The following MAST4 variants were observed in gnomAD, a reference collection of about 807,000 sequenced individuals.
MAST4 encodes microtubule associated serine/threonine kinase family member 4, also known as microtubule-associated serine/threonine-protein kinase 4.
In MAST4, 89 loss-of-function variants were observed where a neutral mutation model predicts 162.7. That is an observed-to-expected ratio of 0.55 (90% confidence interval 0.46 to 0.65). MAST4 has a LOEUF of 0.65. Ranked by LOEUF, MAST4 falls within the 30% of genes least tolerant of loss-of-function variation. The pLI is 0.00. For synonymous variants in MAST4, 1,479 were observed against 1,361.1 expected, an observed-to-expected ratio of 1.09 and a Z score of -1.91; for missense variants, 3,153 against 3,374.0, an observed-to-expected ratio of 0.93 and a Z score of 1.62.
At chr5:66,718,315 AT>A (rs1287790385) in intron 1 of MAST4, among the ~76,000 whole-genome samples, 1 of 151,022 alleles carries the variant, frequency 6.6e-6, no homozygotes, top group East Asian at 1.9e-4. Context: ...GGTATAAATG[AT>A]TAAGTTATGA....
At chr5:66,956,689 T>C (rs1176710702) in intron 4 of MAST4, among the ~76,000 whole-genome samples, 1 of 152,220 alleles carries the variant, frequency 6.6e-6, no homozygotes, top group Admixed American at 6.5e-5. Flanking sequence ...TGTAATACAT[T>C]ACCATTGTTG....
At chr5:66,728,275 G>A (rs1751641608) in intron 1 of MAST4, among the ~76,000 whole-genome samples, 1 of 152,116 alleles carries the variant, frequency 6.6e-6, no homozygotes, top group Admixed American at 6.6e-5. Context: ...TTCTGTTGGT[G>A]TGTGCTGAAA....
At position 66,919,962 on chromosome 5, in the gene MAST4, TTCCTTCCTTCC is replaced by T. The variant is rs57250330; in HGVS notation, c.674+19982_674+19992del. Among the ~76,000 whole-genome samples the T allele has an allele frequency of 7.1e-3, 420 of 58,780 alleles. 11 individuals are homozygous for T. Among genetic ancestry groups the T allele is most frequent in the African/African-American group, 0.023 (338 of 14,764 alleles). 38.6% of individuals were successfully genotyped at this position (58,780 alleles called of 152,430 possible). ...CTTCCTTCCTTCCTTCCTTCCTTCC[TTCCTTCCTTCC>T]TTCTTTCTCTCTCTCTCTCTCTCTC... On this transcript the variant is annotated intron_variant, in intron 4 of 28. Transcript: ENST00000403625.
intron 19 of MAST4, among the ~76,000 whole-genome samples, chr5:67,139,475 C>T (rs1770100300): frequency 6.6e-6 from 1 of 152,302 alleles, no homozygotes; most frequent in East Asian, 1.9e-4. Flanking sequence ...GCCTGACTCC[C>T]TGGACTTCAG....
chr5:66,806,305 A>G (rs575143394), intron 3 of MAST4, among the ~76,000 whole-genome samples: 2 of 152,360 alleles, frequency 1.3e-5, no homozygotes, highest in East Asian at 3.9e-4. Context: ...CTTGTCTGGC[A>G]TTTTAAACAA....
At chr5:67,056,317 A>G (rs1448317538) in intron 5 of MAST4, among the ~76,000 whole-genome samples, 1 of 152,192 alleles carries the variant, frequency 6.6e-6, no homozygotes, top group Non-Finnish European at 1.5e-5. Context: ...ACAGAGGGTC[A>G]AACAGTGCCA....
chr5:67,134,536 C>G lies in MAST4; in HGVS notation c.2240C>G (p.Pro747Arg), dbSNP rs778652820. The change falls in exon 18 of 29, where the codon CCT becomes CGT. Residue 747 changes from proline to arginine, a missense_variant. Pro to Arg is a moderately radical substitution (Grantham distance 103, BLOSUM62 -2). Transcript: ENST00000403625. Reference protein sequence around the residue: ...EFLDKQVCGTPEYIAPEVILR... With the variant: ...EFLDKQVCGTREYIAPEVILR... ...ATTATCTTTTAGGTCTGTGGCACAC[C>G]TGAATACATTGCACCAGAAGTGATT... The G allele has an allele frequency of 1.2e-6, 2 of 1,612,976 alleles. No homozygotes were observed. Among genetic ancestry groups the G allele is most frequent in the African/African-American group, 2.7e-5 (2 of 74,834 alleles).
chr5:66,633,761 TATC>T (rs1744931353), intron 1 of MAST4, among the ~76,000 whole-genome samples: 1 of 152,246 alleles, frequency 6.6e-6, no homozygotes, highest in South Asian at 2.1e-4. Context: ...AATATATGCC[TATC>T]ATCTTCATTT....
At chr5:66,788,815 G>T (rs373196226) in intron 3 of MAST4, 21 bp downstream of exon 3, 18 of 1,533,766 alleles carry the variant, frequency 1.2e-5, no homozygotes, top group Non-Finnish European at 1.4e-5. Context: ...GCGGGCGCCG[G>T]TGGAGGCTGC....
chr5:66,652,981 C>T (rs1746324238), intron 1 of MAST4, among the ~76,000 whole-genome samples: 1 of 152,116 alleles, frequency 6.6e-6, no homozygotes, highest in African/African-American at 2.4e-5. Flanking sequence ...CCACGCGGTT[C>T]TGTCTGTAGG....
chr5:66,886,566 T>C (rs1365098301), intron 3 of MAST4, among the ~76,000 whole-genome samples: 1 of 151,686 alleles, frequency 6.6e-6, no homozygotes, highest in East Asian at 1.9e-4. Context: ...ACTTTTATTC[T>C]GAAGAAAGTG....
chr5:67,059,929 C>T (rs187828084), intron 5 of MAST4, among the ~76,000 whole-genome samples: 9 of 152,144 alleles, frequency 5.9e-5, no homozygotes, highest in Middle Eastern at 3.4e-3. Context: ...CAAAACATCC[C>T]GAATCCCACT....
chr5:66,992,816 G>A (rs541301492), intron 4 of MAST4, among the ~76,000 whole-genome samples: 5 of 152,294 alleles, frequency 3.3e-5, no homozygotes, highest in African/African-American at 1.2e-4. Context: ...CACTGGGTAA[G>A]CTGACATTTG....
At chr5:66,745,536 C>T (rs1157607309) in intron 1 of MAST4, among the ~76,000 whole-genome samples, 3 of 152,192 alleles carry the variant, frequency 2.0e-5, no homozygotes, top group Non-Finnish European at 4.4e-5. Flanking sequence ...GCTCTGTGCT[C>T]CATCCTGGAC....
chr5:66,964,503 A>T (rs1746423036), intron 4 of MAST4, among the ~76,000 whole-genome samples: 1 of 151,552 alleles, frequency 6.6e-6, no homozygotes, highest in Non-Finnish European at 1.5e-5. Flanking sequence ...CCCTTTTTAA[A>T]AATCCTAATC....
chr5:67,041,810 A>T (rs893616673), intron 4 of MAST4, among the ~76,000 whole-genome samples: 3 of 152,140 alleles, frequency 2.0e-5, no homozygotes, highest in Admixed American at 2.0e-4. Context: ...TGTATTTTTA[A>T]TATAGACAAG....
At chr5:66,922,767 G>A (rs1764625281) in intron 4 of MAST4, among the ~76,000 whole-genome samples, 1 of 152,044 alleles carries the variant, frequency 6.6e-6, no homozygotes, top group African/African-American at 2.4e-5. Context: ...GAATTCAGTA[G>A]TGAAAAAAAA....
intron 1 of MAST4, among the ~76,000 whole-genome samples, chr5:66,704,595 G>A (rs1469085501): frequency 6.7e-6 from 1 of 148,218 alleles, no homozygotes; most frequent in Non-Finnish European, 1.5e-5. Context: ...CTGCCTCCCG[G>A]GTTCACGCCA....
At chr5:66,669,426 A>G (rs1296567929) in intron 1 of MAST4, among the ~76,000 whole-genome samples, 1 of 152,194 alleles carries the variant, frequency 6.6e-6, no homozygotes, top group Non-Finnish European at 1.5e-5. Flanking sequence ...TGCATGGGTA[A>G]AACACATCCA....
Sources: allele counts gnomAD v4.1 joint callset (sites outside exome capture counted in the v4.1 genomes callset), GRCh38; gene constraint gnomAD v4.1.1; transcripts MANE v1.5; gene names NCBI Gene and HGNC (gene_info 2026-07-23, HGNC 2026-07-21).